SLC16A7: variants seen among roughly 807,000 people sequenced by gnomAD.
SLC16A7 encodes the protein solute carrier family 16 member 7.
In SLC16A7, 33 loss-of-function variants were observed where a neutral mutation model predicts 34.9. That is an observed-to-expected ratio of 0.94 (90% CI 0.72 to 1.26). The LOEUF (loss-of-function observed/expected upper bound fraction) is 1.26. SLC16A7 is among the 50% of genes most tolerant of loss of function. SLC16A7 has a pLI of 0.00. For synonymous variants in SLC16A7, 201 were observed against 206.6 expected, an observed-to-expected ratio of 0.97 and a Z score of 0.23; for missense variants, 573 against 578.1, an observed-to-expected ratio of 0.99 and a Z score of 0.09.
chr12:59,767,419 A>G (rs1473151650), intron 3 of SLC16A7, among the ~76,000 whole-genome samples: 2 of 151,978 alleles, frequency 1.3e-5, no homozygotes, highest in Admixed American at 6.6e-5. Context: ...GCAGAAGCCA[A>G]TGCTTGTCTT....
At chr12:59,632,977 A>T (rs1880249875) in intron 1 of SLC16A7, among the ~76,000 whole-genome samples, 1 of 151,934 alleles carries the variant, frequency 6.6e-6, no homozygotes, top group African/African-American at 2.4e-5. Flanking sequence ...AGTTACCAAA[A>T]GGTGAGGTAT....
At chr12:59,760,777 A>C (rs1157643270) in intron 3 of SLC16A7, among the ~76,000 whole-genome samples, 1 of 152,072 alleles carries the variant, frequency 6.6e-6, no homozygotes, top group Non-Finnish European at 1.5e-5. Context: ...CATGCTACTC[A>C]GAACAGTGCA....
intron 1 of SLC16A7, among the ~76,000 whole-genome samples, chr12:59,601,007 A>G (rs1317285227): frequency 6.6e-6 from 1 of 152,352 alleles, no homozygotes; most frequent in East Asian, 1.9e-4. Context: ...GTATGGTTCA[A>G]TTATAGAGCC....
At chr12:59,758,539 T>G (rs887383177) in intron 3 of SLC16A7, among the ~76,000 whole-genome samples, 1 of 151,672 alleles carries the variant, frequency 6.6e-6, no homozygotes, top group Non-Finnish European at 1.5e-5. Context: ...ACAAATAGAA[T>G]AAAATGATAA....
At chr12:59,735,119 G>C (rs1877438349) in intron 3 of SLC16A7, among the ~76,000 whole-genome samples, 1 of 152,130 alleles carries the variant, frequency 6.6e-6, no homozygotes, top group Non-Finnish European at 1.5e-5. Context: ...GAACGGCTAA[G>C]GTATAAATAG....
chr12:59,739,263 A>C (rs1307943155), intron 3 of SLC16A7, among the ~76,000 whole-genome samples: 4 of 131,472 alleles, frequency 3.0e-5, no homozygotes, highest in African/African-American at 1.2e-4. Flanking sequence ...CTCATTGTTC[A>C]ATTCCCACCT....
intron 3 of SLC16A7, among the ~76,000 whole-genome samples, chr12:59,739,007 A>C (rs1877947479): frequency 7.2e-6 from 1 of 139,818 alleles, no homozygotes; most frequent in African/African-American, 2.7e-5. Context: ...AGCTGGGTGT[A>C]AATTTTTTTT....
chr12:59,603,474 A>C (rs1337692482), intron 1 of SLC16A7, among the ~76,000 whole-genome samples: 1 of 152,178 alleles, frequency 6.6e-6, no homozygotes, highest in African/African-American at 2.4e-5. Context: ...TTTTATCTTG[A>C]AATGAATCTA....
At chr12:59,753,968 A>C (rs1156441345) in intron 3 of SLC16A7, among the ~76,000 whole-genome samples, 1 of 152,174 alleles carries the variant, frequency 6.6e-6, no homozygotes, top group Admixed American at 6.5e-5. Context: ...AAAACCACTC[A>C]ACTACATGGA....
intron 2 of SLC16A7, 143 bp from the exon 3 acceptor site, chr12:59,704,628 AT>A (rs1415461674): frequency 5.8e-6 from 3 of 520,874 alleles, no homozygotes; most frequent in Non-Finnish European, 1.0e-5. Context: ...TTTTCTGGTA[AT>A]TTTCTGAGTA....
At chr12:59,709,097 A>C (rs950675394) in intron 3 of SLC16A7, among the ~76,000 whole-genome samples, 1 of 151,710 alleles carries the variant, frequency 6.6e-6, no homozygotes, top group African/African-American at 2.4e-5. Context: ...ATTATCTTTT[A>C]GTGCAATATT....
intron 1 of SLC16A7, among the ~76,000 whole-genome samples, chr12:59,628,542 A>G (rs1291787992): frequency 6.6e-6 from 1 of 151,856 alleles, no homozygotes; most frequent in Non-Finnish European, 1.5e-5. Flanking sequence ...GCCGTAAACA[A>G]ACCCTCTGGT....
At chr12:59,767,995 T>C (rs921211745) in intron 3 of SLC16A7, 16 of 336,446 alleles carry the variant, frequency 4.8e-5, no homozygotes, top group African/African-American at 3.3e-4. Flanking sequence ...CTAATGTAAA[T>C]GAGGAGTTAA....
At chr12:59,701,176 A>G (rs372735079) in intron 2 of SLC16A7, among the ~76,000 whole-genome samples, 6 of 151,726 alleles carry the variant, frequency 4.0e-5, no homozygotes, top group South Asian at 4.1e-4. Flanking sequence ...TGATAGGTAA[A>G]TTTGTCTAGT....
At chr12:59,771,152 G>T in intron 3 of SLC16A7, 67 bp from the exon 4 acceptor site, 1 of 1,467,740 alleles carries the variant, frequency 6.8e-7, no homozygotes, top group Non-Finnish European at 9.3e-7. Context: ...CAAATGATTG[G>T]ATGTTAAAGA....
intron 1 of SLC16A7, among the ~76,000 whole-genome samples, chr12:59,637,554 A>G (rs1555164288): frequency 6.6e-6 from 1 of 152,010 alleles, no homozygotes; most frequent in Non-Finnish European, 1.5e-5. Context: ...CTTACATAAT[A>G]GGTTGACACT....
chr12:59,744,764 C>T (rs1248386349), intron 3 of SLC16A7, among the ~76,000 whole-genome samples: 1 of 152,210 alleles, frequency 6.6e-6, no homozygotes, highest in Non-Finnish European at 1.5e-5. Context: ...GCAGGCACCT[C>T]CTAGACACTG....
At chr12:59,663,841 TTTATG>T (rs1174511314) in intron 2 of SLC16A7, among the ~76,000 whole-genome samples, 3 of 152,122 alleles carry the variant, frequency 2.0e-5, no homozygotes, top group Non-Finnish European at 4.4e-5. Context: ...CTAGAGGTTA[TTTATG>T]TTATTACCTG....
chr12:59,663,270 TA>T (rs1176674922), intron 2 of SLC16A7, among the ~76,000 whole-genome samples: 1 of 151,980 alleles, frequency 6.6e-6, no homozygotes, highest in Non-Finnish European at 1.5e-5. Context: ...GGGAGCCTTT[TA>T]AAATTATTAT....
Sources: allele counts gnomAD v4.1 joint callset (sites outside exome capture counted in the v4.1 genomes callset), GRCh38; gene constraint gnomAD v4.1.1; transcripts MANE v1.5; gene names NCBI Gene and HGNC (gene_info 2026-07-23, HGNC 2026-07-21).